The following ICMT variants were observed in gnomAD, a reference collection of about 807,000 sequenced individuals.
The protein encoded by ICMT is isoprenylcysteine carboxyl methyltransferase.
A neutral mutation model predicts 32.2 loss-of-function variants in ICMT; 10 were observed. That is an observed-to-expected ratio of 0.31 (90% CI 0.19 to 0.53). ICMT has a LOEUF of 0.53. Ranked by LOEUF, ICMT falls within the 20% of genes least tolerant of loss-of-function variation. The pLI, the probability that ICMT is intolerant of heterozygous loss-of-function variation, is 0.96. For missense variants in ICMT, 265 were observed against 356.9 expected (o/e 0.74, Z 2.07); for synonymous variants, 183 against 158.2 (o/e 1.16, Z -1.18).
chr1:6,229,670 T>G (rs1311204505), intron 4 of ICMT, among the ~76,000 whole-genome samples: 1 of 151,868 alleles, frequency 6.6e-6, no homozygotes, highest in Non-Finnish European at 1.5e-5. Context: ...GGAGGATCAC[T>G]TGAGCCCAAG....
At chr1:6,230,586 TAA>T (rs34068915) in intron 4 of ICMT, among the ~76,000 whole-genome samples, 6,435 of 104,170 alleles carry the variant, frequency 0.062, 243 homozygotes, top group African/African-American at 0.13. Flanking sequence ...ATCCTGTCTT[TAA>T]AAAAAAAAAA....
At position 6,235,809 on chromosome 1, in the gene ICMT, G is replaced by A; in HGVS notation, c.103C>T (p.Arg35Cys). Residue 35 changes from arginine (R) to cysteine (C), a missense_variant, in exon 1 of 5, where the codon CGC becomes TGC. Arg to Cys is a radical substitution (Grantham distance 180). This residue lies in a region of ICMT where 99 missense variants were observed against 92.6 expected (regional missense o/e 1.07). Coordinates refer to ENST00000343813, the MANE Select transcript of ICMT (RefSeq NM_012405.4). Reference protein sequence around the residue: ...ASVLALPLLTRAGLQGRTGLA... With the variant: ...ASVLALPLLTCAGLQGRTGLA... ...CCGGTGCGGCCCTGCAGGCCGGCGC[G>A]CGTGAGCAGCGGCAGCGCGAGCACC... 2 of 1,320,476 alleles carry A rather than the reference G, an allele frequency of 1.5e-6. No homozygotes were observed. Among genetic ancestry groups the A allele is most frequent in the Non-Finnish European group, 2.0e-6 (2 of 1,025,630 alleles). 81.8% of individuals were successfully genotyped at this position (1,320,476 alleles called of 1,614,324 possible).
Position 6,221,300 on chromosome 1 carries a change from G to C in ICMT, c.*3780C>G, listed in dbSNP as rs1443567402. 1 of 152,646 alleles carries C rather than the reference G, an allele frequency of 6.6e-6. No homozygotes were observed. The highest frequency in any genetic ancestry group is 2.4e-5 in the African/African-American group (1 of 41,456). The allele number at this position is 152,646 out of a possible 1,614,324, so 9.5% of individuals were successfully genotyped here. A position where few individuals can be genotyped will look rare whatever the true frequency, so the allele number is the denominator to read the frequency against. On this transcript the variant is annotated 3_prime_UTR_variant, in exon 5 of 5. Transcript: ENST00000343813. ...TAAATAAACATTTATGTAAAAAGAA[G>C]AGTAGAATAATTACTCCGTTCAGTT...
chr1:6,235,826 G>T lies in ICMT; in HGVS notation c.86C>A (p.Ala29Glu). 7.7e-7 allele frequency: 1 copy of T among 1,300,250 alleles called. No individual in the cohort carries two copies. The highest frequency in any genetic ancestry group is 9.9e-7 in the Non-Finnish European group (1 of 1,014,704). 80.5% of individuals were successfully genotyped at this position (1,300,250 alleles called of 1,614,324 possible). The change falls in exon 1 of 5, where the codon GCG becomes GAG. Residue 29 changes from alanine to glutamate, a missense_variant. Ala to Glu is a moderately radical substitution (Grantham distance 107). Around this residue, in one of 2 missense-constraint regions of ICMT, gnomAD observed 99 missense variants for 92.6 expected, o/e 1.07. Transcript: ENST00000343813. ...ATFLLGASVL[A>E]LPLLTRAGLQ... ...GCCGGCGCGCGTGAGCAGCGGCAGC[G>T]CGAGCACCGAGGCGCCCAGCAGGAA... is the stretch of plus-strand genomic sequence containing the variant.
chr1:6,223,469 A>C lies in ICMT; in HGVS notation c.*1611T>G, dbSNP rs889529996. The C allele has an allele frequency of 6.6e-6, 1 of 150,782 alleles. No homozygotes were observed. The highest frequency in any genetic ancestry group is 2.4e-5 in the African/African-American group (1 of 41,386). The allele number at this position is 150,782 out of a possible 1,614,324, so 9.3% of individuals were successfully genotyped here. A position where few individuals can be genotyped will look rare whatever the true frequency, so the allele number is the denominator to read the frequency against. The stretch of plus-strand genomic sequence containing the variant: ...GCCTCTTTGGTATATATAACAATGA[A>C]AAAATTCATTAAGCCATGAAATCTA... On this transcript the variant is annotated 3_prime_UTR_variant, in exon 5 of 5. Coordinates refer to ENST00000343813, the MANE Select transcript of ICMT (RefSeq NM_012405.4).
rs111601881 is a variant in ICMT at position 6,235,945 on chromosome 1, C to G, written c.-34G>C. The G allele has an allele frequency of 4.7e-6, 5 of 1,070,800 alleles. No individual in the cohort carries two copies. The highest frequency in any genetic ancestry group is 1.2e-4 in the East Asian group (2 of 16,820). 66.3% of individuals were successfully genotyped at this position (1,070,800 alleles called of 1,614,324 possible). Reference sequence around the variant, plus strand: ...GCGGCGGACTAGCGGGCGGCGGCGCCGGCTGTAGCCCGGAGAAACGCGCCG... The same window carrying G: ...GCGGCGGACTAGCGGGCGGCGGCGCGGGCTGTAGCCCGGAGAAACGCGCCG... On this transcript the variant is annotated 5_prime_UTR_variant, in exon 1 of 5. Transcript: ENST00000343813.
chr1:6,235,620 A>G, intron 1 of ICMT, 97 bp downstream of exon 1: 7 of 797,558 alleles, frequency 8.8e-6, no homozygotes, highest in Non-Finnish European at 1.1e-5. Context: ...CGCGCGTGGG[A>G]GGCCACTGCG....
chr1:6,235,055 A>T, intron 1 of ICMT, 81 bp from the exon 2 acceptor site: 1 of 1,121,008 alleles, frequency 8.9e-7, no homozygotes, highest in Non-Finnish European at 1.3e-6. Context: ...CGGAATAGGC[A>T]ACCCACAGGC....
intron 4 of ICMT, among the ~76,000 whole-genome samples, chr1:6,230,941 C>G (rs1239621868): frequency 6.6e-6 from 1 of 150,638 alleles, no homozygotes; most frequent in East Asian, 1.9e-4. Flanking sequence ...GTAGCTCAAG[C>G]CTGTAATCCC....
Position 6,224,884 on chromosome 1 carries a change from G to A in ICMT, c.*196C>T, listed in dbSNP as rs773122228. 2.2e-5 allele frequency: 13 copies of A among 578,218 alleles called. No individual in the cohort carries two copies. Among genetic ancestry groups the A allele is most frequent in the South Asian group, 1.2e-4 (5 of 40,710 alleles). 35.8% of individuals were successfully genotyped at this position (578,218 alleles called of 1,614,324 possible). On this transcript the variant is annotated 3_prime_UTR_variant, in exon 5 of 5. Transcript: ENST00000343813. ...TTTCACCCATGTTCCGCCTTGATTC[G>A]GCATAAGGACAGACTGCTCCAGTGG... is the stretch of plus-strand genomic sequence containing the variant.
intron 4 of ICMT, among the ~76,000 whole-genome samples, chr1:6,227,094 AG>A (rs1270565985): frequency 6.6e-6 from 1 of 152,262 alleles, no homozygotes; most frequent in African/African-American, 2.4e-5. Context: ...GATAGAAAAC[AG>A]GATTTTGTAA....
At chr1:6,230,159 G>C (rs1447971955) in intron 4 of ICMT, among the ~76,000 whole-genome samples, 2 of 151,874 alleles carry the variant, frequency 1.3e-5, no homozygotes, top group African/African-American at 4.8e-5. Context: ...CCATCACCCA[G>C]GCTGGAGTGC....
rs776221269 is a variant in ICMT, at chr1:6,225,271, G to A, written c.673-9C>T. On this transcript the variant is annotated splice_polypyrimidine_tract_variant and intron_variant, in intron 4 of 4. Coordinates refer to ENST00000343813, the MANE Select transcript of ICMT (RefSeq NM_012405.4). The stretch of plus-strand genomic sequence containing the variant: ...GGGTTACACAGCATCACCTAACAGA[G>A]GGAGACACCAGGCTCATCAGGGTGA... The A allele has an allele frequency of 4.3e-6, 7 of 1,611,118 alleles. No homozygotes were observed. The highest frequency in any genetic ancestry group is 2.5e-6 in the Non-Finnish European group (3 of 1,178,860).
intron 3 of ICMT, among the ~76,000 whole-genome samples, chr1:6,232,928 G>A (rs1448395734): frequency 2.6e-5 from 4 of 151,788 alleles, no homozygotes; most frequent in Non-Finnish European, 4.4e-5. Flanking sequence ...CGCGATCACG[G>A]CTCACTGCAA....
chr1:6,235,811 G>T lies in ICMT; in HGVS notation c.101C>A (p.Thr34Lys). The change falls in exon 1 of 5, where the codon ACG (threonine) becomes AAG (lysine). Residue 34 changes from threonine (T) to lysine (K), a missense_variant. Thr to Lys is a moderately conservative substitution (Grantham distance 78). This residue lies in a region of ICMT where 99 missense variants were observed against 92.6 expected (regional missense o/e 1.07). Transcript: ENST00000343813. Reference sequence around the variant, plus strand: ...GGTGCGGCCCTGCAGGCCGGCGCGCGTGAGCAGCGGCAGCGCGAGCACCGA... The same window carrying T: ...GGTGCGGCCCTGCAGGCCGGCGCGCTTGAGCAGCGGCAGCGCGAGCACCGA... ...GASVLALPLL[T>K]RAGLQGRTGL... is the part of the protein sequence containing the mutation. The T allele has an allele frequency of 7.6e-7, 1 of 1,320,020 alleles. No homozygotes were observed. The highest frequency in any genetic ancestry group is 9.8e-7 in the Non-Finnish European group (1 of 1,025,264). 81.8% of individuals were successfully genotyped at this position (1,320,020 alleles called of 1,614,324 possible).
intron 3 of ICMT, among the ~76,000 whole-genome samples, chr1:6,232,360 C>T (rs950799450): frequency 3.3e-5 from 5 of 152,182 alleles, no homozygotes; most frequent in African/African-American, 1.2e-4. Context: ...TAAAGAGATG[C>T]TCTCCTGCTA....
At chr1:6,229,783 TACACACACACACAC>T (rs34741419) in intron 4 of ICMT, among the ~76,000 whole-genome samples, 254 of 146,700 alleles carry the variant, frequency 1.7e-3, no homozygotes, top group African/African-American at 4.4e-3. Flanking sequence ...ATAAAAAAAA[TACACACACACACAC>T]ACACACACAC....
In ICMT at chr1:6,232,013, G is replaced by A. The variant is rs142754910; in HGVS notation, c.561C>T (p.His187=). ...TATCTGATTTTTCATTCTGTACCAC[G>A]TGGTTGAAATTGGAGCCAGCTGTAA... The part of the protein sequence containing the change: ...AMFTAGSNFN[H]VVQNEKSDTH... The change falls in exon 4 of 5, where the codon CAC becomes CAT. Residue 187 remains histidine (H), a synonymous_variant. Transcript: ENST00000343813. 3.8e-5 allele frequency: 62 copies of A among 1,614,114 alleles called. No homozygotes were observed. In the African/African-American group the frequency reaches 6.8e-4, roughly 18 times the overall value.
Position 6,235,803 on chromosome 1 carries a change from C to A in ICMT, c.109G>T (p.Gly37Cys). Residue 37 changes from glycine to cysteine, a missense_variant, in exon 1 of 5, where the codon GGC becomes TGC. Gly to Cys is a radical substitution (Grantham distance 159). Around this residue, in one of 2 missense-constraint regions of ICMT, gnomAD observed 99 missense variants for 92.6 expected, o/e 1.07. Coordinates refer to ENST00000343813, the MANE Select transcript of ICMT (RefSeq NM_012405.4). ...VLALPLLTRAGLQGRTGLALY... is the reference protein window; with the variant it reads ...VLALPLLTRACLQGRTGLALY... ...GCCAGCCCGGTGCGGCCCTGCAGGCCGGCGCGCGTGAGCAGCGGCAGCGCG... is the reference window on the plus strand; with the variant it reads ...GCCAGCCCGGTGCGGCCCTGCAGGCAGGCGCGCGTGAGCAGCGGCAGCGCG... The A allele has an allele frequency of 7.6e-7, 1 of 1,324,354 alleles. No individual in the cohort carries two copies. Among genetic ancestry groups the A allele is most frequent in the Non-Finnish European group, 9.7e-7 (1 of 1,027,906 alleles). The allele number at this position is 1,324,354 out of a possible 1,614,324, so 82.0% of individuals were successfully genotyped here. A position where few individuals can be genotyped will look rare whatever the true frequency, so the allele number is the denominator to read the frequency against.
Sources: allele counts gnomAD v4.1 joint callset (sites outside exome capture counted in the v4.1 genomes callset), GRCh38; gene constraint gnomAD v4.1.1; regional missense constraint gnomAD v4.1.1; transcripts MANE v1.5; gene names NCBI Gene and HGNC (gene_info 2026-07-23, HGNC 2026-07-21).